Variants in MET observed in about 807,000 individuals in gnomAD.
The protein encoded by MET is hepatocyte growth factor receptor.
Under a neutral mutation model 133.1 loss-of-function variants are expected in MET, and 48 were observed. That is an observed-to-expected ratio of 0.36 (90% CI 0.29 to 0.46). The LOEUF (loss-of-function observed/expected upper bound fraction) is 0.46. MET is among the 20% of genes least tolerant of loss of function. The pLI, the probability that MET is intolerant of heterozygous loss-of-function variation, is 1.00. For missense variants in MET, 1,442 were observed against 1,695.9 expected (o/e 0.85, Z 2.63); for synonymous variants, 628 against 616.5 (o/e 1.02, Z -0.28).
chr7:116,745,315 G>T lies in MET; in HGVS notation c.1701+4290G>T, dbSNP rs371159003. Among the ~76,000 whole-genome samples, 8 of 152,216 alleles carry T rather than the reference G, an allele frequency of 5.3e-5. No individual in the cohort carries two copies. In the East Asian group the frequency reaches 9.7e-4, roughly 18 times the overall value. On this transcript the variant is annotated intron_variant, in intron 5 of 20. Coordinates refer to ENST00000397752, the MANE Select transcript of MET (RefSeq NM_000245.4). ...AAATGGAAGAATATTCCATGCTCAT[G>T]GATAGGAAGAATCAATATCATGAAA... is the stretch of plus-strand genomic sequence containing the variant.
intron 19 of MET, among the ~76,000 whole-genome samples, chr7:116,788,036 C>A (rs924338967): frequency 1.3e-5 from 2 of 152,002 alleles, no homozygotes; most frequent in Non-Finnish European, 2.9e-5. Flanking sequence ...GCATGATAAA[C>A]CTCAGAAACA....
intron 11 of MET, among the ~76,000 whole-genome samples, chr7:116,768,383 A>G (rs1024040421): frequency 6.6e-6 from 1 of 152,164 alleles, no homozygotes; most frequent in African/African-American, 2.4e-5. Flanking sequence ...GACCTAGCCA[A>G]CAAGTTGTCG....
chr7:116,685,121 G>T (rs1474092743), intron 1 of MET, among the ~76,000 whole-genome samples: 3 of 152,144 alleles, frequency 2.0e-5, no homozygotes, highest in Non-Finnish European at 4.4e-5. Context: ...ATAACAGAAG[G>T]ATATCCAACT....
chr7:116,728,875 G>C (rs1301098090), intron 2 of MET, among the ~76,000 whole-genome samples: 1 of 152,134 alleles, frequency 6.6e-6, no homozygotes, highest in Non-Finnish European at 1.5e-5. Flanking sequence ...CACACACCAG[G>C]TCAAGTTTGA....
intron 14 of MET, 73 bp downstream of exon 14, chr7:116,772,062 T>C (rs2116999314): frequency 6.4e-7 from 1 of 1,562,562 alleles, no homozygotes; most frequent in Non-Finnish European, 8.8e-7. Context: ...GTTGTTTATT[T>C]TTGGTTTTGC....
chr7:116,764,228 T>C lies in MET; in HGVS notation c.2583+960T>C, dbSNP rs1794523710. Among the ~76,000 whole-genome samples, 7 of 152,272 alleles carry C rather than the reference T, an allele frequency of 4.6e-5. No individual in the cohort carries two copies. In the South Asian group the frequency reaches 1.5e-3, roughly 32 times the overall value. On this transcript the variant is annotated intron_variant, in intron 11 of 20. Transcript: ENST00000397752. ...ATGCATATGTTCACGTTCATACAAG[T>C]TTACTAACCTCATTATTGTGTTTTG...
Position 116,742,939 on chromosome 7 carries a change from G to T in MET, c.1701+1914G>T, listed in dbSNP as rs147148084. ...AAAACATAAGACAGACTCGAGGTGG[G>T]TGTTAAGATGGCCGAGTAGGAACAG... On this transcript the variant is annotated intron_variant, in intron 5 of 20. Coordinates refer to ENST00000397752, the MANE Select transcript of MET (RefSeq NM_000245.4). 5.1e-4 allele frequency among the ~76,000 whole-genome samples: 77 copies of T among 152,350 alleles called. No homozygotes were observed. The East Asian group carries it at 0.013, about 26-fold the overall frequency.
chr7:116,767,436 G>A (rs947550679), intron 11 of MET, among the ~76,000 whole-genome samples: 2 of 152,206 alleles, frequency 1.3e-5, no homozygotes, highest in Admixed American at 6.5e-5. Context: ...GACTAGAACT[G>A]TGTCTAACAC....
intron 5 of MET, among the ~76,000 whole-genome samples, chr7:116,748,983 A>G (rs1289692037): frequency 6.6e-6 from 1 of 152,224 alleles, no homozygotes; most frequent in Non-Finnish European, 1.5e-5. Flanking sequence ...AACCAAAAAA[A>G]GCCCAGGACC....
intron 9 of MET, among the ~76,000 whole-genome samples, chr7:116,759,172 A>AATACAAAT (rs1199836609): frequency 1.3e-5 from 2 of 152,216 alleles, no homozygotes; most frequent in African/African-American, 4.8e-5. Flanking sequence ...CGGTGAATAA[A>AATACAAAT]ATACAAATGC....
intron 11 of MET, among the ~76,000 whole-genome samples, chr7:116,766,562 C>G (rs992142681): frequency 6.6e-6 from 1 of 152,180 alleles, no homozygotes; most frequent in Non-Finnish European, 1.5e-5. Flanking sequence ...ACCCCTCAAT[C>G]TCAGTCAAAA....
chr7:116,748,365 T>C (rs1793777510), intron 5 of MET, among the ~76,000 whole-genome samples: 1 of 152,238 alleles, frequency 6.6e-6, no homozygotes. Flanking sequence ...ACATTTGTTA[T>C]TTTTCAAGTT....
intron 8 of MET, among the ~76,000 whole-genome samples, chr7:116,757,996 T>C (rs1247623978): frequency 1.3e-5 from 2 of 152,194 alleles, no homozygotes; most frequent in African/African-American, 4.8e-5. Context: ...TTTTCAGTTT[T>C]GTCTTCCCAT....
At chr7:116,742,713 G>T (rs574738526) in intron 5 of MET, among the ~76,000 whole-genome samples, 1 of 152,256 alleles carries the variant, frequency 6.6e-6, no homozygotes, top group African/African-American at 2.4e-5. Flanking sequence ...ATATTTAAAT[G>T]TCCCTCCTCT....
chr7:116,791,079 AAAT>A (rs565340536), intron 19 of MET, among the ~76,000 whole-genome samples: 85 of 152,316 alleles, frequency 5.6e-4, no homozygotes, highest in African/African-American at 2.0e-3. Context: ...CCCGTCTCAA[AAAT>A]AATAATAATA....
At chr7:116,712,266 C>T (rs551566673) in intron 2 of MET, among the ~76,000 whole-genome samples, 1 of 152,290 alleles carries the variant, frequency 6.6e-6, no homozygotes, top group African/African-American at 2.4e-5. Context: ...TTTTCCCTAG[C>T]CTTCAACTCA....
chr7:116,705,842 T>G (rs1478813703), intron 2 of MET, among the ~76,000 whole-genome samples: 3 of 152,166 alleles, frequency 2.0e-5, no homozygotes, highest in Admixed American at 2.0e-4. Flanking sequence ...CCACGAAAAG[T>G]GGCATATTGC....
At chr7:116,679,912 A>G (rs1796287569) in intron 1 of MET, among the ~76,000 whole-genome samples, 1 of 152,224 alleles carries the variant, frequency 6.6e-6, no homozygotes, top group African/African-American at 2.4e-5. Context: ...TCTCTTAAAG[A>G]AATAAACTAT....
In MET at chr7:116,721,022, T is replaced by C. The variant is rs1438001518; in HGVS notation, c.1201-10646T>C. ...TCATAAAATGAGTTAGGGAGGATTC[T>C]CTCTTTTTCTATTGATTGGAATAGT... On this transcript the variant is annotated intron_variant, in intron 2 of 20. Transcript: ENST00000397752. Among the ~76,000 whole-genome samples, 209 of 151,904 alleles carry C rather than the reference T, an allele frequency of 1.4e-3. 2 individuals carry two copies. The highest frequency in any genetic ancestry group is 4.8e-3 in the African/African-American group (197 of 41,338).
Sources: gnomAD v4.1 joint callset for allele counts (sites outside exome capture counted in the v4.1 genomes callset) on GRCh38, gnomAD v4.1.1 for gene constraint, MANE v1.5 for transcripts, NCBI Gene and HGNC (gene_info 2026-07-23, HGNC 2026-07-21) for gene names.